NDRG4: variants seen among roughly 807,000 people sequenced by gnomAD.
NDRG4 encodes the protein NDRG family member 4, also known as protein NDRG4.
Under a neutral mutation model 55.8 loss-of-function variants are expected in NDRG4, and 38 were observed. That is an observed-to-expected ratio of 0.68 (90% CI 0.53 to 0.89). The LOEUF (loss-of-function observed/expected upper bound fraction) is 0.89. NDRG4 is among the 40% of genes least tolerant of loss of function. The pLI, the probability that NDRG4 is intolerant of heterozygous loss-of-function variation, is 0.00. For synonymous variants in NDRG4, 190 were observed against 182.7 expected (o/e 1.04, Z -0.32); for missense variants, 455 against 468.6 (o/e 0.97, Z 0.27).
chr16:58,509,374 C>CCCACA (rs755058121), intron 13 of NDRG4, 22 bp downstream of exon 13: 63 of 1,611,450 alleles, frequency 3.9e-5, no homozygotes, highest in Non-Finnish European at 5.2e-5. Context: ...TCCACCCCAC[C>CCCACA]CCACACCACC....
At chr16:58,474,019 T>C (rs1391595875) in intron 1 of NDRG4, among the ~76,000 whole-genome samples, 2 of 149,222 alleles carry the variant, frequency 1.3e-5, no homozygotes, top group African/African-American at 2.5e-5. Flanking sequence ...TCACTTTTCT[T>C]TTCTTTCCCT....
At chr16:58,515,144 C>CAGG (rs2039073162), downstream of NDRG4, among the ~76,000 whole-genome samples, 2 of 152,202 alleles carry the variant, frequency 1.3e-5, no homozygotes, top group African/African-American at 4.8e-5. Context: ...GGGTCGAGAT[C>CAGG]AGGAGGTCGC....
chr16:58,471,452 G>A (rs567932312), intron 1 of NDRG4, among the ~76,000 whole-genome samples: 6 of 152,146 alleles, frequency 3.9e-5, no homozygotes, highest in African/African-American at 1.4e-4. Context: ...ACTGAGCCTG[G>A]CTTTGCCCCC....
chr16:58,505,713 C>CTTTTTTTTTTTTTTTTTTTTTTTTTTTT lies in NDRG4; in HGVS notation c.373-648_373-647insTTTTTTTTTTTTTTTTTTTTTTTTTTTT, dbSNP rs1028370131. ...ATTTATATCATGAGGGCTTCATTTT[C>CTTTTTTTTTTTTTTTTTTTTTTTTTTTT]TTTTTTTTTTTTTTTTTTTTTTTTT... On this transcript the variant is annotated intron_variant, in intron 5 of 14. Transcript: ENST00000570248. 2.2e-4 allele frequency among the ~76,000 whole-genome samples: 13 copies of CTTTTTTTTTTTTTTTTTTTTTTTTTTTT among 58,660 alleles called. 2 individuals are homozygous for CTTTTTTTTTTTTTTTTTTTTTTTTTTTT. Among genetic ancestry groups the CTTTTTTTTTTTTTTTTTTTTTTTTTTTT allele is most frequent in the African/African-American group, 1.0e-3 (13 of 13,052 alleles). The allele number at this position is 58,660 out of a possible 152,430, so 38.5% of individuals were successfully genotyped here. A position where few individuals can be genotyped will look rare whatever the true frequency, so the allele number is the denominator to read the frequency against.
At chr16:58,515,133 G>C (rs538312585), downstream of NDRG4, among the ~76,000 whole-genome samples, 132 of 152,336 alleles carry the variant, frequency 8.7e-4, 1 homozygote, top group African/African-American at 3.1e-3. Context: ...TCGGCAACAA[G>C]GGGTCGAGAT....
At chr16:58,496,811 C>G (rs2036466886), upstream of NDRG4, 1 of 152,176 alleles carries the variant, frequency 6.6e-6, no homozygotes, top group Non-Finnish European at 1.5e-5. Flanking sequence ...TGGTTCCTGG[C>G]TCTGTGCCCA....
intron 1 of NDRG4, among the ~76,000 whole-genome samples, chr16:58,469,563 T>C (rs565508739): frequency 2.0e-5 from 3 of 152,056 alleles, no homozygotes; most frequent in Non-Finnish European, 4.4e-5. Context: ...TCATTGTTTA[T>C]AGAAGCAAAA....
At chr16:58,500,964 T>C (rs2037005480) in intron 1 of NDRG4, 1 of 1,234,602 alleles carries the variant, frequency 8.1e-7, no homozygotes, top group Non-Finnish European at 1.0e-6. Flanking sequence ...CGAGGAGGGG[T>C]TGCCTGCCTG....
upstream of NDRG4, chr16:58,495,152 C>T (rs564499925): frequency 1.1e-5 from 9 of 786,044 alleles, no homozygotes; most frequent in African/African-American, 3.4e-5. Context: ...GATGAACTGG[C>T]CCTGCTTCTG....
rs186387514 is a variant in NDRG4, at chr16:58,488,583, C to T, written c.72+733C>T. On this transcript the variant is annotated intron_variant, in intron 2 of 15. Transcript: ENST00000258187. ...ATGCTGCCCGGACCCCCTTCTTTTA[C>T]AGATGGGGAGGCCAGGAGCCCAGCC... 1.6e-3 allele frequency among the ~76,000 whole-genome samples: 240 copies of T among 152,142 alleles called. 1 individual carries two copies. The Middle Eastern group carries it at 0.017, about 11-fold the overall frequency.
rs574684958 is a variant in NDRG4 at position 58,491,689 on chromosome 16, A to C, written c.73-3275A>C. ...TGGTCAGGCTGGCCTCAAACTCCCA[A>C]CCTCAGGTGATTGGCTCGCCTTGGC... On this transcript the variant is annotated intron_variant, in intron 2 of 15. Transcript: ENST00000258187. Among the ~76,000 whole-genome samples the C allele has an allele frequency of 1.7e-4, 26 of 152,098 alleles. No homozygotes were observed. The South Asian group carries it at 5.0e-3, about 29-fold the overall frequency.
chr16:58,492,825 TG>T (rs555837464), intron 2 of NDRG4, among the ~76,000 whole-genome samples: 73 of 152,256 alleles, frequency 4.8e-4, no homozygotes, highest in Non-Finnish European at 9.0e-4. Flanking sequence ...AGCCCGCTTG[TG>T]CAAGGTCTTT....
intron 2 of NDRG4, among the ~76,000 whole-genome samples, chr16:58,490,671 A>G (rs1404121477): frequency 6.6e-6 from 1 of 152,042 alleles, no homozygotes; most frequent in East Asian, 1.9e-4. Context: ...GCTTTTTCCA[A>G]AGGCACCTCA....
intron 1 of NDRG4, among the ~76,000 whole-genome samples, chr16:58,480,552 A>G (rs1597118192): frequency 1.3e-5 from 2 of 152,356 alleles, no homozygotes; most frequent in South Asian, 4.1e-4. Context: ...CTTTATGCCT[A>G]TAACTGACAT....
intron 1 of NDRG4, chr16:58,463,969 G>A (rs1406096788): frequency 4.2e-5 from 6 of 141,672 alleles, no homozygotes; most frequent in African/African-American, 1.3e-4. Context: ...TTTCGCCTCC[G>A]CGGGGGCGGC....
intron 10 of NDRG4, among the ~76,000 whole-genome samples, chr16:58,508,214 G>C (rs2038303001): frequency 6.6e-6 from 1 of 152,220 alleles, no homozygotes; most frequent in Non-Finnish European, 1.5e-5. Context: ...GAAATGGGGA[G>C]AGCTGGGGCC....
rs2036892639 is a variant in NDRG4, at chr16:58,500,196, C to T, written c.-53C>T. 7 of 1,536,090 alleles carry T rather than the reference C, an allele frequency of 4.6e-6. No individual in the cohort carries two copies. Among genetic ancestry groups the T allele is most frequent in the Middle Eastern group, 1.7e-4 (1 of 5,986 alleles). On this transcript the variant is annotated 5_prime_UTR_variant, in exon 1 of 15. Transcript: ENST00000570248. ...GCCCCCGCCCTCTGGACCCGAGTGA[C>T]TCAGGCCTTTGTTTGTCCTTCCTGG...
chr16:58,487,757 C>T, exon 2 of NDRG4: 1 of 1,537,950 alleles, frequency 6.5e-7, no homozygotes, highest in Admixed American at 2.0e-5. Context: ...CCTCCCTAGG[C>T]CTCCTGCTCC....
At chr16:58,501,206 G>A (rs975125529) in intron 1 of NDRG4, 2 of 495,338 alleles carry the variant, frequency 4.0e-6, no homozygotes, top group African/African-American at 2.0e-5. Flanking sequence ...AGGTGACGAC[G>A]TCAGCACCTG....
Sources: allele counts gnomAD v4.1 joint callset (sites outside exome capture counted in the v4.1 genomes callset), GRCh38; gene constraint gnomAD v4.1.1; transcripts MANE v1.5; gene names NCBI Gene and HGNC (gene_info 2026-07-23, HGNC 2026-07-21).